The following ZC3H12B variants were observed in gnomAD, a reference collection of about 807,000 sequenced individuals.
The protein encoded by ZC3H12B is probable ribonuclease ZC3H12B.
A neutral mutation model predicts 43.9 loss-of-function variants in ZC3H12B; 7 were observed. The ratio of observed to expected loss-of-function variants is 0.16; its 90% CI spans 0.09 to 0.30. The LOEUF is 0.30. ZC3H12B is among the 10% of genes least tolerant of loss of function. The probability of loss-of-function intolerance (pLI) is 1.00; values close to 1 mark genes in which losing one functional copy is unlikely to be tolerated. For synonymous variants in ZC3H12B, 222 were observed against 241.7 expected (o/e 0.92, Z 0.76); for missense variants, 475 against 670.2 (o/e 0.71, Z 3.22).
chrX:65,291,904 A>T, the ZC3H12B span, among the ~76,000 whole-genome samples: 41 of 112,046 alleles, frequency 3.7e-4, no homozygotes, highest in African/African-American at 1.3e-3. Context: ...ATTTTACAGT[A>T]AGGGAAATTA....
chrX:65,251,485 G>A, the ZC3H12B span, among the ~76,000 whole-genome samples: 1 of 111,623 alleles, frequency 9.0e-6, no homozygotes, highest in South Asian at 3.8e-4. Context: ...GAAAGTCATT[G>A]GTAGCTTGAT....
At chrX:65,082,829 G>T in the ZC3H12B span, among the ~76,000 whole-genome samples, 3 of 111,071 alleles carry the variant, frequency 2.7e-5, no homozygotes, top group Non-Finnish European at 5.7e-5. Context: ...GGTCAATATT[G>T]TTGATGAATG....
the ZC3H12B span, among the ~76,000 whole-genome samples, chrX:65,212,170 A>G: frequency 2.0e-5 from 1 of 48,895 alleles, no homozygotes; most frequent in African/African-American, 8.3e-5. Flanking sequence ...TATAATATAT[A>G]ATATTATATA....
chrX:65,101,291 C>T, the ZC3H12B span, among the ~76,000 whole-genome samples: 13 of 111,483 alleles, frequency 1.2e-4, no homozygotes, highest in South Asian at 3.8e-4. Flanking sequence ...CATCAGAAAG[C>T]GGGAAAAATC....
At chrX:65,423,875 T>C (rs1211370836) in intron 3 of ZC3H12B, among the ~76,000 whole-genome samples, 2 of 112,138 alleles carry the variant, frequency 1.8e-5, no homozygotes, top group African/African-American at 3.2e-5. Context: ...CATTTGTCGA[T>C]TCTGGCTTTT....
chrX:65,046,566 G>A, the ZC3H12B span, among the ~76,000 whole-genome samples: 2 of 111,882 alleles, frequency 1.8e-5, no homozygotes, highest in Non-Finnish European at 3.8e-5. Flanking sequence ...TGGATGGTTT[G>A]GTTTTTCATC....
intron 3 of ZC3H12B, among the ~76,000 whole-genome samples, chrX:65,457,459 G>A (rs866166538): frequency 3.0e-4 from 23 of 77,272 alleles, no homozygotes; most frequent in Non-Finnish European, 4.4e-4. Flanking sequence ...TCAGCCCCCC[G>A]CCCGGCCAGC....
At chrX:65,035,038 G>A in the ZC3H12B span, among the ~76,000 whole-genome samples, 1 of 112,342 alleles carries the variant, frequency 8.9e-6, no homozygotes, top group African/African-American at 3.2e-5. Flanking sequence ...TCCCCCCATC[G>A]CCTCCCCTCG....
the ZC3H12B span, among the ~76,000 whole-genome samples, chrX:65,278,299 C>T: frequency 9.0e-6 from 1 of 111,395 alleles, no homozygotes; most frequent in Non-Finnish European, 1.9e-5. Flanking sequence ...ACCTGTGCCA[C>T]GACAGTTTAC....
At chrX:65,220,469 C>A in the ZC3H12B span, among the ~76,000 whole-genome samples, 10 of 111,817 alleles carry the variant, frequency 8.9e-5, no homozygotes, top group East Asian at 2.8e-3. Context: ...ACTCACCTGA[C>A]ACATAAGGAC....
At chrX:65,246,650 A>G in the ZC3H12B span, among the ~76,000 whole-genome samples, 9 of 112,416 alleles carry the variant, frequency 8.0e-5, no homozygotes, top group Admixed American at 7.6e-4. Context: ...GACAAAAGCA[A>G]TGGGGAAAAG....
At chrX:65,069,547 G>T in the ZC3H12B span, among the ~76,000 whole-genome samples, 3 of 110,825 alleles carry the variant, frequency 2.7e-5, no homozygotes, top group Non-Finnish European at 3.8e-5. Context: ...CCTTCTCTGT[G>T]TTATCTTTAT....
chrX:65,299,770 C>T, the ZC3H12B span, among the ~76,000 whole-genome samples: 1 of 112,382 alleles, frequency 8.9e-6, no homozygotes, highest in African/African-American at 3.2e-5. Context: ...AGAGAATCCT[C>T]AGACCCTTTG....
intron 3 of ZC3H12B, among the ~76,000 whole-genome samples, chrX:65,459,637 G>T (rs1228937467): frequency 1.8e-5 from 2 of 111,548 alleles, no homozygotes; most frequent in East Asian, 2.8e-4. Context: ...TGCAGAAAAG[G>T]CCTTTGACAA....
the ZC3H12B span, among the ~76,000 whole-genome samples, chrX:65,041,363 G>A: frequency 9.0e-6 from 1 of 111,633 alleles, no homozygotes; most frequent in Non-Finnish European, 1.9e-5. Context: ...CCAGAGGTTA[G>A]GCAGCATTGG....
the ZC3H12B span, among the ~76,000 whole-genome samples, chrX:65,275,123 C>T: frequency 8.9e-6 from 1 of 112,887 alleles, no homozygotes; most frequent in East Asian, 2.8e-4. Flanking sequence ...GGACTACCTT[C>T]TATAGAAATG....
chrX:65,039,257 C>CATTCGT, the ZC3H12B span, among the ~76,000 whole-genome samples: 2 of 111,638 alleles, frequency 1.8e-5, no homozygotes, highest in Non-Finnish European at 3.8e-5. Flanking sequence ...TAGTCTGACT[C>CATTCGT]ATTCGTATTT....
intron 3 of ZC3H12B, chrX:65,469,256 C>T: frequency 4.1e-6 from 1 of 242,271 alleles, no homozygotes. Flanking sequence ...AGGTGCCACT[C>T]ACCATCAACA....
the ZC3H12B span, among the ~76,000 whole-genome samples, chrX:65,228,774 C>T: frequency 3.6e-5 from 4 of 111,549 alleles, no homozygotes; most frequent in East Asian, 2.8e-4. Context: ...AAGTGAACTC[C>T]CATTCACAAT....
Sources: allele counts gnomAD v4.1 joint callset (sites outside exome capture counted in the v4.1 genomes callset), GRCh38; gene constraint gnomAD v4.1.1; transcripts MANE v1.5; gene names NCBI Gene and HGNC (gene_info 2026-07-23, HGNC 2026-07-21).